The following DHX32 variants were observed in gnomAD, a reference collection of about 807,000 sequenced individuals.
The protein encoded by DHX32 is putative pre-mRNA-splicing factor ATP-dependent RNA helicase DHX32.
DHX32 carries 51 observed loss-of-function variants against 70.0 expected under a neutral mutation model. The ratio of observed to expected loss-of-function variants is 0.73; its 90% CI spans 0.58 to 0.92. The LOEUF (loss-of-function observed/expected upper bound fraction) is 0.92, where lower values mean the gene tolerates loss of function less well. Ranked by LOEUF, DHX32 falls within the 40% of genes least tolerant of loss-of-function variation. The pLI, the probability that DHX32 is intolerant of heterozygous loss-of-function variation, is 0.00. For synonymous variants in DHX32, 310 were observed against 315.3 expected (o/e 0.98, Z 0.18); for missense variants, 762 against 891.8 (o/e 0.85, Z 1.85).
intron 1 of DHX32, among the ~76,000 whole-genome samples, chr10:125,875,582 T>C (rs1267998373): frequency 6.6e-6 from 1 of 152,254 alleles, no homozygotes; most frequent in Non-Finnish European, 1.5e-5. Context: ...AGAAAGATTC[T>C]AAATAATGTG....
At chr10:125,855,851 TA>T (rs1170866146) in intron 3 of DHX32, among the ~76,000 whole-genome samples, 1 of 152,240 alleles carries the variant, frequency 6.6e-6, no homozygotes, top group Admixed American at 6.5e-5. Flanking sequence ...TTCTAGCTGC[TA>T]AAACTTTTTA....
At position 125,864,929 on chromosome 10, in the gene DHX32, C is replaced by CAAAAAAAAAAAAA. The variant is rs61570718; in HGVS notation, c.476+2048_476+2060dup. On this transcript the variant is annotated intron_variant, in intron 2 of 10. Coordinates refer to ENST00000284690, the MANE Select transcript of DHX32 (RefSeq NM_018180.3). Reference sequence around the variant, plus strand: ...TGGGAGACAGAGTGGGACTCTGTCTCAAAAAAAAAAAAAAAAAAAAAAAAA... The same window carrying CAAAAAAAAAAAAA: ...TGGGAGACAGAGTGGGACTCTGTCTCAAAAAAAAAAAAAAAAAAAAAAAAAAAAAAAAAAAAAA... Among the ~76,000 whole-genome samples the CAAAAAAAAAAAAA allele has an allele frequency of 9.4e-4, 51 of 54,224 alleles. 1 individual carries two copies. Among genetic ancestry groups the CAAAAAAAAAAAAA allele is most frequent in the East Asian group, 1.7e-3 (2 of 1,160 alleles). The allele number at this position is 54,224 out of a possible 152,430, so 35.6% of individuals were successfully genotyped here.
intron 9 of DHX32, 48 bp from the exon 10 acceptor site, chr10:125,838,435 AT>A (rs779158356): frequency 2.7e-6 from 4 of 1,460,494 alleles, no homozygotes; most frequent in Non-Finnish European, 3.6e-6. Context: ...TAATATGGAG[AT>A]CATTATACAA....
chr10:125,848,029 T>A (rs1944046672), intron 6 of DHX32, among the ~76,000 whole-genome samples: 1 of 152,188 alleles, frequency 6.6e-6, no homozygotes. Context: ...CATTAATGTA[T>A]ATACACATTT....
At chr10:125,864,757 C>T (rs1414962885) in intron 2 of DHX32, among the ~76,000 whole-genome samples, 8 of 151,452 alleles carry the variant, frequency 5.3e-5, no homozygotes, top group Admixed American at 3.3e-4. Context: ...GGCGAAACCC[C>T]GTCTCTACTA....
Position 125,880,812 on chromosome 10 carries a change from CT to C in DHX32, c.12del (p.Leu6TrpfsTer51). ...GAGGAAGAGTTTGGACACTCCAGCC[CT>C]TCTTCTTCCATCTTGTCTGACAGTG... MEE[E>X]GLECPNSSSE... On this transcript the variant is annotated frameshift_variant, in exon 1 of 11. Transcript: ENST00000284690. LOFTEE classifies it high-confidence loss of function. 2 of 1,611,298 alleles carry C rather than the reference CT, an allele frequency of 1.2e-6. No homozygotes were observed. Among genetic ancestry groups the C allele is most frequent in the Non-Finnish European group, 1.7e-6 (2 of 1,178,910 alleles).
chr10:125,869,738 GAT>G (rs1178149353), intron 1 of DHX32, among the ~76,000 whole-genome samples: 1 of 152,100 alleles, frequency 6.6e-6, no homozygotes, highest in Non-Finnish European at 1.5e-5. Flanking sequence ...GTTTGAATAT[GAT>G]TCTCTGTCTC....
At chr10:125,839,542 T>C (rs935713760) in intron 8 of DHX32, among the ~76,000 whole-genome samples, 2 of 152,254 alleles carry the variant, frequency 1.3e-5, no homozygotes, top group Admixed American at 6.5e-5. Context: ...GTTGTGTCTC[T>C]ATGCATACAG....
chr10:125,866,887 A>G lies in DHX32; in HGVS notation c.476+103T>C, dbSNP rs1944223527. ...CAGAGACCAGTTGCTACTGCACAGC[A>G]TAGATGCTTAACAGGTAGAATGCCA... On this transcript the variant is annotated intron_variant, in intron 2 of 10. Transcript: ENST00000284690. The surrounding 1 kb of genome is among the most constrained non-coding windows in gnomAD (Gnocchi z 4.8). The G allele has an allele frequency of 5.4e-6, 7 of 1,300,172 alleles. No individual in the cohort carries two copies. Among genetic ancestry groups the G allele is most frequent in the East Asian group, 4.6e-5 (2 of 43,082 alleles). The allele number at this position is 1,300,172 out of a possible 1,614,324, so 80.5% of individuals were successfully genotyped here. A position where few individuals can be genotyped will look rare whatever the true frequency, so the allele number is the denominator to read the frequency against.
In DHX32 at chr10:125,866,905, G is replaced by A; in HGVS notation, c.476+85C>T. The A allele has an allele frequency of 1.4e-6, 2 of 1,424,306 alleles. No homozygotes were observed. Among genetic ancestry groups the A allele is most frequent in the Non-Finnish European group, 1.9e-6 (2 of 1,035,782 alleles). 88.2% of individuals were successfully genotyped at this position (1,424,306 alleles called of 1,614,324 possible). ...GCACAGCATAGATGCTTAACAGGTA[G>A]AATGCCAGAATAATGCTCCTTCAGA... On this transcript the variant is annotated intron_variant, in intron 2 of 10. Coordinates refer to ENST00000284690, the MANE Select transcript of DHX32 (RefSeq NM_018180.3). This position sits in a 1 kb window ranked among gnomAD's most constrained non-coding sequence, Gnocchi z 4.8.
intron 6 of DHX32, 87 bp downstream of exon 6, chr10:125,852,206 G>A (rs1714809418): frequency 2.0e-6 from 3 of 1,503,422 alleles, no homozygotes; most frequent in East Asian, 2.3e-5. Context: ...GTGCATTGCT[G>A]CGCATCATGT....
intron 6 of DHX32, among the ~76,000 whole-genome samples, chr10:125,852,010 T>C (rs1944097030): frequency 6.6e-6 from 1 of 151,520 alleles, no homozygotes; most frequent in African/African-American, 2.4e-5. Flanking sequence ...TACGCTTCCA[T>C]ACTCCACATT....
At chr10:125,879,293 G>T (rs1408567935) in intron 1 of DHX32, among the ~76,000 whole-genome samples, 4 of 151,950 alleles carry the variant, frequency 2.6e-5, no homozygotes, top group African/African-American at 9.7e-5. Context: ...CAAAGTGATG[G>T]GATTATAGGT....
At chr10:125,837,857 C>T (rs1464795969) in intron 10 of DHX32, among the ~76,000 whole-genome samples, 1 of 152,214 alleles carries the variant, frequency 6.6e-6, no homozygotes, top group African/African-American at 2.4e-5. Flanking sequence ...TCCCTCCTTC[C>T]TCTTCCCCGA....
intron 1 of DHX32, among the ~76,000 whole-genome samples, chr10:125,868,085 C>A (rs1944234565): frequency 6.6e-6 from 1 of 151,976 alleles, no homozygotes; most frequent in Non-Finnish European, 1.5e-5. Context: ...CTAAATAAAC[C>A]CAGTGAGATA....
rs553768918 is a variant in DHX32, at chr10:125,863,548, C to T, written c.476+3442G>A. Among the ~76,000 whole-genome samples the T allele has an allele frequency of 2.7e-3, 409 of 151,684 alleles. 2 individuals are homozygous for T. The highest frequency in any genetic ancestry group is 4.7e-3 in the Non-Finnish European group (317 of 67,938). On this transcript the variant is annotated intron_variant, in intron 2 of 10. Coordinates refer to ENST00000284690, the MANE Select transcript of DHX32 (RefSeq NM_018180.3). ...CTGCAAGCTCTGCCTCCTGGGTTCA[C>T]GCCATTCTCCTGCCTCAGCCTCCTG...
At chr10:125,853,267 T>G (rs1246558579) in intron 4 of DHX32, 4 of 1,504,848 alleles carry the variant, frequency 2.7e-6, no homozygotes, top group Non-Finnish European at 3.7e-6. Context: ...TTTAGGAGGC[T>G]CATAGTCTCC....
intron 6 of DHX32, among the ~76,000 whole-genome samples, chr10:125,844,460 A>G (rs921290432): frequency 5.3e-5 from 8 of 152,216 alleles, no homozygotes; most frequent in Admixed American, 5.2e-4. Context: ...TAGTAACATA[A>G]ATGACTTCAT....
At chr10:125,878,103 A>G (rs1944294915) in intron 1 of DHX32, among the ~76,000 whole-genome samples, 1 of 152,198 alleles carries the variant, frequency 6.6e-6, no homozygotes, top group Non-Finnish European at 1.5e-5. Flanking sequence ...ACAACAACAA[A>G]CTGAATAATA....
Sources: gnomAD v4.1 joint callset for allele counts (sites outside exome capture counted in the v4.1 genomes callset) on GRCh38, gnomAD v4.1.1 for gene constraint, Gnocchi (gnomAD v3.1) non-coding constraint, MANE v1.5 for transcripts, NCBI Gene and HGNC (gene_info 2026-07-23, HGNC 2026-07-21) for gene names.